The following RASL10B variants were observed in gnomAD, a reference collection of about 807,000 sequenced individuals.
RASL10B encodes ras-like protein family member 10B.
Under a neutral mutation model 20.7 loss-of-function variants are expected in RASL10B, and 10 were observed. The observed-to-expected ratio is 0.48, with a 90% confidence interval of 0.30 to 0.82. RASL10B has a LOEUF of 0.82. RASL10B is among the 40% of genes least tolerant of loss of function. The pLI is 0.07. For synonymous variants in RASL10B, 110 were observed against 123.3 expected, an observed-to-expected ratio of 0.89 and a Z score of 0.72; for missense variants, 231 against 295.4, an observed-to-expected ratio of 0.78 and a Z score of 1.60.
chr17:35,740,530 C>T lies in RASL10B; in HGVS notation c.338C>T (p.Thr113Met), dbSNP rs782124257. Residue 113 changes from threonine to methionine, a missense_variant, in exon 3 of 4, where the codon ACG becomes ATG. By Grantham distance (81) the Thr-to-Met change is moderately conservative. Transcript: ENST00000603017. ...VKTIRQQILE[T>M]RVIGTSETPI... is the part of the protein sequence containing the mutation. ...ACCATCCGCCAGCAGATCCTGGAGA[C>T]GAGGTGAGAGGCTGGAACACAGTCC... 30 of 1,613,154 alleles carry T rather than the reference C, an allele frequency of 1.9e-5. No homozygotes were observed. Among genetic ancestry groups the T allele is most frequent in the Non-Finnish European group, 2.3e-5 (27 of 1,179,622 alleles).
rs1555597887 is a variant in RASL10B, at chr17:35,741,159, G to C, written c.466G>C (p.Val156Leu). The C allele has an allele frequency of 6.2e-7, 1 of 1,613,478 alleles. No homozygotes were observed. The highest frequency in any genetic ancestry group is 8.5e-7 in the Non-Finnish European group (1 of 1,180,036). ...ACGCAAGACCTGGAAGTGCGGCTAC[G>C]TGGAATGCTCGGCCAAGTACAACTG... is the stretch of plus-strand genomic sequence containing the variant. ...LVRKTWKCGY[V>L]ECSAKYNWHI... Residue 156 changes from valine to leucine, a missense_variant, in exon 4 of 4, where the codon GTG becomes CTG. Transcript: ENST00000603017.
At position 35,735,080 on chromosome 17, in the gene RASL10B, C is replaced by G; in HGVS notation, c.-105C>G. On this transcript the variant is annotated 5_prime_UTR_variant, in exon 2 of 4. Coordinates refer to ENST00000603017, the MANE Select transcript of RASL10B (RefSeq NM_033315.4). This position sits in a 1 kb window ranked among gnomAD's most constrained non-coding sequence, Gnocchi z 6.7. Reference sequence around the variant, plus strand: ...GAGGGCCCAGGGCAAGCAGAGGCAGCAATGGTTGGTCCTGACGGTGGCTGA... The same window carrying G: ...GAGGGCCCAGGGCAAGCAGAGGCAGGAATGGTTGGTCCTGACGGTGGCTGA... 1 of 1,175,064 alleles carries G rather than the reference C, an allele frequency of 8.5e-7. No individual in the cohort carries two copies. The highest frequency in any genetic ancestry group is 1.2e-6 in the Non-Finnish European group (1 of 811,906). The allele number at this position is 1,175,064 out of a possible 1,614,324, so 72.8% of individuals were successfully genotyped here.
intron 2 of RASL10B, among the ~76,000 whole-genome samples, chr17:35,736,597 C>T (rs1386954440): frequency 6.6e-6 from 1 of 152,192 alleles, no homozygotes; most frequent in Non-Finnish European, 1.5e-5. Context: ...TTCTAGTTCT[C>T]TTCTAAAGGA....
At chr17:35,736,324 AG>A (rs1182994813) in intron 2 of RASL10B, among the ~76,000 whole-genome samples, 1 of 152,240 alleles carries the variant, frequency 6.6e-6, no homozygotes, top group Non-Finnish European at 1.5e-5. Context: ...CCCAGAAGAC[AG>A]GGGACAAGGC....
At position 35,733,016 on chromosome 17, in the gene RASL10B, A is replaced by G. The variant is rs115975875; in HGVS notation, c.-148+1138A>G. Among the ~76,000 whole-genome samples the G allele has an allele frequency of 8.0e-3, 1,213 of 152,322 alleles. 13 individuals are homozygous for G. The highest frequency in any genetic ancestry group is 0.028 in the African/African-American group (1,159 of 41,572). On this transcript the variant is annotated intron_variant, in intron 1 of 3. Transcript: ENST00000603017. ...ACACCTGTTGGAGAAGGGACACTGC[A>G]TGGGGCAGGAAGGAGTTCAGGGTCC...
rs1436254087 is a variant in RASL10B, at chr17:35,735,543, C to G, written c.216+143C>G. ...GCTCCACACTGCACCTTGGGCCACT[C>G]TGCTTAGAGCCGTTCCAGGAATCCA... On this transcript the variant is annotated intron_variant, in intron 2 of 3. Transcript: ENST00000603017. The surrounding 1 kb of genome is among the most constrained non-coding windows in gnomAD (Gnocchi z 6.7). 2.5e-5 allele frequency: 18 copies of G among 706,358 alleles called. No individual in the cohort carries two copies. The highest frequency in any genetic ancestry group is 3.3e-5 in the Non-Finnish European group (14 of 426,070). 43.8% of individuals were successfully genotyped at this position (706,358 alleles called of 1,614,324 possible). A position where few individuals can be genotyped will look rare whatever the true frequency, so the allele number is the denominator to read the frequency against.
rs898308340 is a variant in RASL10B at position 35,743,276 on chromosome 17, C to G, written c.*1971C>G. 3 of 152,814 alleles carry G rather than the reference C, an allele frequency of 2.0e-5. No individual in the cohort carries two copies. Among genetic ancestry groups the G allele is most frequent in the Non-Finnish European group, 2.9e-5 (2 of 68,166 alleles). 9.5% of individuals were successfully genotyped at this position (152,814 alleles called of 1,614,324 possible). ...GGCACCTGGGGTGGGGGGGCGGAGCCCAGGCCTCTGGCTGCTCCCCTGTGG... is the reference window on the plus strand; with the variant it reads ...GGCACCTGGGGTGGGGGGGCGGAGCGCAGGCCTCTGGCTGCTCCCCTGTGG... On this transcript the variant is annotated 3_prime_UTR_variant, in exon 4 of 4. Coordinates refer to ENST00000603017, the MANE Select transcript of RASL10B (RefSeq NM_033315.4).
chr17:35,735,075 G>A lies in RASL10B; in HGVS notation c.-110G>A. The A allele has an allele frequency of 8.8e-7, 1 of 1,133,142 alleles. No individual in the cohort carries two copies. Among genetic ancestry groups the A allele is most frequent in the Non-Finnish European group, 1.3e-6 (1 of 774,714 alleles). The allele number at this position is 1,133,142 out of a possible 1,614,324, so 70.2% of individuals were successfully genotyped here. A position where few individuals can be genotyped will look rare whatever the true frequency, so the allele number is the denominator to read the frequency against. ...CCGCAGAGGGCCCAGGGCAAGCAGA[G>A]GCAGCAATGGTTGGTCCTGACGGTG... On this transcript the variant is annotated 5_prime_UTR_variant, in exon 2 of 4. Transcript: ENST00000603017. This position sits in a 1 kb window ranked among gnomAD's most constrained non-coding sequence, Gnocchi z 6.7.
At position 35,735,448 on chromosome 17, in the gene RASL10B, G is replaced by A. The variant is rs2085585849; in HGVS notation, c.216+48G>A. Reference sequence around the variant, plus strand: ...GGGTTAGTGGGGAAACGGATGGGTAGGGGAGAGGCTGGATTCCAAACTGCT... The same window carrying A: ...GGGTTAGTGGGGAAACGGATGGGTAAGGGAGAGGCTGGATTCCAAACTGCT... On this transcript the variant is annotated intron_variant, in intron 2 of 3. Coordinates refer to ENST00000603017, the MANE Select transcript of RASL10B (RefSeq NM_033315.4). This position sits in a 1 kb window ranked among gnomAD's most constrained non-coding sequence, Gnocchi z 6.7. The A allele has an allele frequency of 6.3e-7, 1 of 1,584,346 alleles. No individual in the cohort carries two copies. Among genetic ancestry groups the A allele is most frequent in the Non-Finnish European group, 8.7e-7 (1 of 1,155,674 alleles).
rs1279772914 is a variant in RASL10B, at chr17:35,741,278, G to A, written c.585G>A (p.Leu195=). 6.5e-6 allele frequency: 10 copies of A among 1,532,730 alleles called. No homozygotes were observed. The East Asian group carries it at 1.3e-4, about 19-fold the overall frequency. The allele number at this position is 1,532,730 out of a possible 1,614,324, so 94.9% of individuals were successfully genotyped here. Residue 195 remains leucine, a synonymous_variant, in exon 4 of 4, where the codon CTG becomes CTA. Transcript: ENST00000603017. ...CTGCCCTGCGCTTCCAGGGCGCGCT[G>A]CGCCGCAACCGCTGCGCCATCATGT... ...VHAALRFQGA[L]RRNRCAIM is the part of the protein sequence containing the mutation.
chr17:35,735,419 G>A lies in RASL10B; in HGVS notation c.216+19G>A, dbSNP rs1555597072. ...GCTCCAGGTAGGAGGACCCTGGGGG[G>A]CATGGGTTAGTGGGGAAACGGATGG... is the stretch of plus-strand genomic sequence containing the variant. On this transcript the variant is annotated intron_variant, in intron 2 of 3. Coordinates refer to ENST00000603017, the MANE Select transcript of RASL10B (RefSeq NM_033315.4). This position sits in a 1 kb window ranked among gnomAD's most constrained non-coding sequence, Gnocchi z 6.7. 6.2e-7 allele frequency: 1 copy of A among 1,611,336 alleles called. No homozygotes were observed. The highest frequency in any genetic ancestry group is 8.5e-7 in the Non-Finnish European group (1 of 1,177,766).
chr17:35,738,222 T>C (rs1362581847), intron 2 of RASL10B, among the ~76,000 whole-genome samples: 1 of 152,094 alleles, frequency 6.6e-6, no homozygotes, highest in Non-Finnish European at 1.5e-5. Flanking sequence ...ATTTTTCTAT[T>C]GGGTTGTTGG....
rs1328730025 is a variant in RASL10B at position 35,741,866 on chromosome 17, G to A, written c.*561G>A. On this transcript the variant is annotated 3_prime_UTR_variant, in exon 4 of 4. Transcript: ENST00000603017. Reference sequence around the variant, plus strand: ...CTGTCAGCACCACCGGCACAGGGCAGAGATGCGGGTGGCCCAAGGACCACG... The same window carrying A: ...CTGTCAGCACCACCGGCACAGGGCAAAGATGCGGGTGGCCCAAGGACCACG... The A allele has an allele frequency of 6.5e-6, 1 of 152,870 alleles. No homozygotes were observed. Among genetic ancestry groups the A allele is most frequent in the African/African-American group, 2.4e-5 (1 of 41,452 alleles). The allele number at this position is 152,870 out of a possible 1,614,324, so 9.5% of individuals were successfully genotyped here.
In RASL10B at chr17:35,742,219, G is replaced by A. The variant is rs1198220844; in HGVS notation, c.*914G>A. 2 of 152,254 alleles carry A rather than the reference G, an allele frequency of 1.3e-5. No homozygotes were observed. The highest frequency in any genetic ancestry group is 2.9e-5 in the Non-Finnish European group (2 of 68,106). The allele number at this position is 152,254 out of a possible 1,614,324, so 9.4% of individuals were successfully genotyped here. A position where few individuals can be genotyped will look rare whatever the true frequency, so the allele number is the denominator to read the frequency against. ...ACTGCAATCTGATCTGTCAGACTGGGGAATGTTGGGTTCTGGGGTCTGGTC... is the reference window on the plus strand; with the variant it reads ...ACTGCAATCTGATCTGTCAGACTGGAGAATGTTGGGTTCTGGGGTCTGGTC... On this transcript the variant is annotated 3_prime_UTR_variant, in exon 4 of 4. Transcript: ENST00000603017.
chr17:35,732,007 C>CGGCG (rs1234227651), intron 1 of RASL10B, 129 bp downstream of exon 1: 7 of 56,092 alleles, frequency 1.2e-4, no homozygotes, highest in Admixed American at 1.2e-3. Flanking sequence ...AGGAGGGGGC[C>CGGCG]GGCGGGCGGG....
Position 35,741,233 on chromosome 17 carries a change from C to T in RASL10B, c.540C>T (p.Ala180=). The stretch of plus-strand genomic sequence containing the variant: ...AGCTGCTCAAGAGCGTCGGCTGCGC[C>T]CGTTGCAAGCACGTGCACGCTGCCC... The part of the protein sequence containing the change: ...FSELLKSVGC[A]RCKHVHAALR... Residue 180 remains alanine, a synonymous_variant, in exon 4 of 4, where the codon GCC becomes GCT. Transcript: ENST00000603017. 1.2e-6 allele frequency: 2 copies of T among 1,606,360 alleles called. No individual in the cohort carries two copies. Among genetic ancestry groups the T allele is most frequent in the African/African-American group, 1.3e-5 (1 of 74,874 alleles).
intron 1 of RASL10B, among the ~76,000 whole-genome samples, chr17:35,733,151 A>G (rs2085569558): frequency 6.6e-6 from 1 of 152,154 alleles, no homozygotes; most frequent in Admixed American, 6.5e-5. Flanking sequence ...AAATGAGAAG[A>G]ATCTCTCTCA....
chr17:35,736,496 G>T (rs2085592819), intron 2 of RASL10B, among the ~76,000 whole-genome samples: 1 of 152,222 alleles, frequency 6.6e-6, no homozygotes, highest in African/African-American at 2.4e-5. Flanking sequence ...AGGCACCTGG[G>T]GTCAGGAGGA....
Position 35,731,693 on chromosome 17 carries a change from C to T in RASL10B, c.-333C>T, listed in dbSNP as rs1167501594. 1 of 151,946 alleles carries T rather than the reference C, an allele frequency of 6.6e-6. No homozygotes were observed. The highest frequency in any genetic ancestry group is 2.4e-5 in the African/African-American group (1 of 41,370). The allele number at this position is 151,946 out of a possible 1,614,324, so 9.4% of individuals were successfully genotyped here. A position where few individuals can be genotyped will look rare whatever the true frequency, so the allele number is the denominator to read the frequency against. On this transcript the variant is annotated 5_prime_UTR_variant, in exon 1 of 4. Coordinates refer to ENST00000603017, the MANE Select transcript of RASL10B (RefSeq NM_033315.4). Reference sequence around the variant, plus strand: ...GAGGGAGAGCTGGGGCTGGAGGTTCCTACCCCCTCGGCGGCCCGCATCTGC... The same window carrying T: ...GAGGGAGAGCTGGGGCTGGAGGTTCTTACCCCCTCGGCGGCCCGCATCTGC...
Sources: allele counts gnomAD v4.1 joint callset (sites outside exome capture counted in the v4.1 genomes callset), GRCh38; gene constraint gnomAD v4.1.1; non-coding constraint Gnocchi (gnomAD v3.1); transcripts MANE v1.5; gene names NCBI Gene and HGNC (gene_info 2026-07-23, HGNC 2026-07-21).